ARID4B: variants seen among roughly 807,000 people sequenced by gnomAD.
ARID4B encodes the protein AT-rich interaction domain 4B, also known as AT-rich interactive domain-containing protein 4B.
In ARID4B, 26 loss-of-function variants were observed where a neutral mutation model predicts 147.5. The ratio of observed to expected loss-of-function variants is 0.18; its 90% CI spans 0.13 to 0.24. The LOEUF (loss-of-function observed/expected upper bound fraction) is 0.24. ARID4B is among the 10% of genes least tolerant of loss of function. ARID4B has a pLI of 1.00. For synonymous variants in ARID4B, 512 were observed against 507.9 expected, an observed-to-expected ratio of 1.01 and a Z score of -0.11; for missense variants, 1,179 against 1,511.5, an observed-to-expected ratio of 0.78 and a Z score of 3.65.
intron 16 of ARID4B, 84 bp downstream of exon 16, chr1:235,219,709 G>T (rs1667315715): frequency 9.1e-7 from 1 of 1,102,412 alleles, no homozygotes; most frequent in Non-Finnish European, 1.3e-6. Context: ...AATTAATTTA[G>T]ATTCATACAT....
chr1:235,172,466 TA>T, intron 23 of ARID4B, 151 bp downstream of exon 23: 1 of 478,036 alleles, frequency 2.1e-6, no homozygotes, highest in Non-Finnish European at 3.5e-6. Context: ...TAATTCCAGC[TA>T]CTTAGGAAGC....
At chr1:235,217,386 A>C (rs756940947) in intron 16 of ARID4B, among the ~76,000 whole-genome samples, 9 of 138,146 alleles carry the variant, frequency 6.5e-5, no homozygotes, top group African/African-American at 2.8e-5. Flanking sequence ...GTTAAAAAAA[A>C]TTAAGTTGAT....
intron 2 of ARID4B, among the ~76,000 whole-genome samples, chr1:235,317,173 G>A (rs1405236621): frequency 6.6e-6 from 1 of 152,158 alleles, no homozygotes; most frequent in Admixed American, 6.5e-5. Flanking sequence ...AAAATAAAAT[G>A]AACAGTGACT....
At chr1:235,201,657 A>C (rs1468115179) in intron 17 of ARID4B, among the ~76,000 whole-genome samples, 1 of 152,104 alleles carries the variant, frequency 6.6e-6, no homozygotes, top group Non-Finnish European at 1.5e-5. Context: ...AGTTAAATAC[A>C]AACCTTTTGG....
chr1:235,242,675 G>A (rs1223753769), intron 7 of ARID4B, among the ~76,000 whole-genome samples: 1 of 152,168 alleles, frequency 6.6e-6, no homozygotes, highest in African/African-American at 2.4e-5. Context: ...CTGCATCATT[G>A]TAAAAATTGT....
At chr1:235,291,363 G>A (rs895070659) in intron 2 of ARID4B, among the ~76,000 whole-genome samples, 27 of 152,046 alleles carry the variant, frequency 1.8e-4, no homozygotes, top group Admixed American at 1.5e-3. Flanking sequence ...AGCTGAGATC[G>A]CACCACTGCA....
chr1:235,229,239 C>A lies in ARID4B; in HGVS notation c.889G>T (p.Glu297Ter). 6.2e-7 allele frequency: 1 copy of A among 1,610,022 alleles called. No individual in the cohort carries two copies. The highest frequency in any genetic ancestry group is 8.5e-7 in the Non-Finnish European group (1 of 1,178,102). The change falls in exon 11 of 24, where the codon GAA becomes TAA. Residue 297 changes from glutamate to a stop codon, truncating the protein, a stop_gained. Coordinates refer to ENST00000264183, the MANE Select transcript of ARID4B (RefSeq NM_016374.6). LOFTEE classifies it high-confidence loss of function. ...DEKEKEDNSS[E>*]EEEEIEPFPE... ...CAACTGTTTTCACTTACTTCTTCTTCACTGCTATTATCCTCCTTTTCTTTT... is the reference window on the plus strand; with the variant it reads ...CAACTGTTTTCACTTACTTCTTCTTAACTGCTATTATCCTCCTTTTCTTTT...
At chr1:235,265,060 C>CA (rs57988002) in intron 2 of ARID4B, among the ~76,000 whole-genome samples, 2,269 of 120,170 alleles carry the variant, frequency 0.019, 38 homozygotes, top group African/African-American at 0.052. Context: ...AACTTCGTCT[C>CA]AAAAAAAAAA....
chr1:235,238,984 T>C (rs1288558683), intron 8 of ARID4B, among the ~76,000 whole-genome samples: 2 of 129,344 alleles, frequency 1.5e-5, no homozygotes, highest in Non-Finnish European at 3.3e-5. Flanking sequence ...TTTTTTTTTC[T>C]TCTTTTTTTT....
intron 2 of ARID4B, among the ~76,000 whole-genome samples, chr1:235,323,459 T>C (rs1244754544): frequency 2.0e-5 from 3 of 152,062 alleles, no homozygotes; most frequent in Non-Finnish European, 2.9e-5. Flanking sequence ...ATGTACAATA[T>C]AGATACAGGA....
intron 10 of ARID4B, 36 bp downstream of exon 10, chr1:235,231,077 T>C: frequency 7.1e-7 from 1 of 1,410,006 alleles, no homozygotes; most frequent in Non-Finnish European, 9.8e-7. Flanking sequence ...TAGCAGTTTT[T>C]ACAGTACTTG....
At chr1:235,174,302 GTGCTGGGATTACAGGCATGAGCC>G (rs1663692853) in intron 22 of ARID4B, among the ~76,000 whole-genome samples, 1 of 151,928 alleles carries the variant, frequency 6.6e-6, no homozygotes, top group Admixed American at 6.5e-5. Context: ...GCCTCCCAAA[GTGCTGGGATTACAGGCATGAGCC>G]ACTGCGCCCA....
chr1:235,318,707 T>A (rs1674613157), intron 2 of ARID4B, among the ~76,000 whole-genome samples: 1 of 151,902 alleles, frequency 6.6e-6, no homozygotes, highest in Non-Finnish European at 1.5e-5. Flanking sequence ...ATAGTGAGAC[T>A]TCACTACTAC....
At chr1:235,272,711 T>C (rs1326715551) in intron 2 of ARID4B, among the ~76,000 whole-genome samples, 1 of 147,664 alleles carries the variant, frequency 6.8e-6, no homozygotes, top group Non-Finnish European at 1.5e-5. Context: ...ATTTATTACA[T>C]ATTATAATTA....
Position 235,170,900 on chromosome 1 carries a change from G to C in ARID4B, c.3811+1718C>G, listed in dbSNP as rs187120322. ...GCACTCCAGCCTGGTGACTGACCGA[G>C]ACTCCGTCTCAAAAAAAAAAAAAAA... On this transcript the variant is annotated intron_variant, in intron 23 of 23. Transcript: ENST00000264183. 6.4e-3 allele frequency among the ~76,000 whole-genome samples: 727 copies of C among 114,224 alleles called. 7 individuals are homozygous for C. The highest frequency in any genetic ancestry group is 0.024 in the African/African-American group (696 of 28,896). 74.9% of individuals were successfully genotyped at this position (114,224 alleles called of 152,430 possible).
At chr1:235,234,275 C>G (rs1668422770) in intron 9 of ARID4B, 138 bp downstream of exon 9, 2 of 609,634 alleles carry the variant, frequency 3.3e-6, no homozygotes, top group South Asian at 3.8e-5. Context: ...AAAACAGTGA[C>G]TCTTTGAAAC....
intron 19 of ARID4B, among the ~76,000 whole-genome samples, chr1:235,186,902 G>C (rs1310931533): frequency 1.3e-5 from 2 of 151,210 alleles, no homozygotes; most frequent in Non-Finnish European, 2.9e-5. Context: ...TACCATGTTG[G>C]TTAGGCTGGT....
At chr1:235,179,520 T>C (rs1664130425) in intron 20 of ARID4B, among the ~76,000 whole-genome samples, 1 of 72,882 alleles carries the variant, frequency 1.4e-5, no homozygotes, top group Non-Finnish European at 2.7e-5. Flanking sequence ...CAAAACTCTA[T>C]GTCTCAAAAA....
intron 11 of ARID4B, among the ~76,000 whole-genome samples, chr1:235,227,623 T>C (rs1667909517): frequency 6.6e-6 from 1 of 152,126 alleles, no homozygotes; most frequent in Non-Finnish European, 1.5e-5. Flanking sequence ...TCATTAACTT[T>C]TACGAGGCTG....
Sources: gnomAD v4.1 joint callset for allele counts (sites outside exome capture counted in the v4.1 genomes callset) on GRCh38, gnomAD v4.1.1 for gene constraint, MANE v1.5 for transcripts, NCBI Gene and HGNC (gene_info 2026-07-23, HGNC 2026-07-21) for gene names.